Variants in VRTN observed in about 807,000 individuals in gnomAD.
VRTN encodes vertebrae development associated, also known as vertnin.
A neutral mutation model predicts 18.2 loss-of-function variants in VRTN; 5 were observed. The ratio of observed to expected loss-of-function variants is 0.27; its 90% CI spans 0.14 to 0.58. The LOEUF (loss-of-function observed/expected upper bound fraction) is 0.58, where lower values mean the gene tolerates loss of function less well. Ranked by LOEUF, VRTN falls within the 20% of genes least tolerant of loss-of-function variation. The pLI, the probability that VRTN is intolerant of heterozygous loss-of-function variation, is 0.91. For synonymous variants in VRTN, 381 were observed against 393.7 expected, an observed-to-expected ratio of 0.97 and a Z score of 0.38; for missense variants, 741 against 939.4, an observed-to-expected ratio of 0.79 and a Z score of 2.76.
At chr14:74,310,985 C>T (rs2085385042) in intron 1 of VRTN, among the ~76,000 whole-genome samples, 1 of 152,162 alleles carries the variant, frequency 6.6e-6, no homozygotes, top group Non-Finnish European at 1.5e-5. Flanking sequence ...GCCACTGCAC[C>T]TAGCCTCAGT....
At chr14:74,353,664 G>A (rs1215647437) in intron 1 of VRTN, among the ~76,000 whole-genome samples, 2 of 151,978 alleles carry the variant, frequency 1.3e-5, no homozygotes, top group Non-Finnish European at 2.9e-5. Flanking sequence ...ATTTTAAAAA[G>A]CCTGTTATAC....
upstream of VRTN, among the ~76,000 whole-genome samples, chr14:74,347,832 C>T (rs1323667150): frequency 6.6e-6 from 1 of 152,200 alleles, no homozygotes; most frequent in Non-Finnish European, 1.5e-5. Flanking sequence ...CCCCCTGGCT[C>T]CTAACAGATG....
At chr14:74,341,270 G>C (rs140089195) in intron 2 of VRTN, among the ~76,000 whole-genome samples, 11 of 152,244 alleles carry the variant, frequency 7.2e-5, no homozygotes, top group South Asian at 2.1e-4. Context: ...TTTTCTAAGA[G>C]AGCAATTAGA....
upstream of VRTN, among the ~76,000 whole-genome samples, chr14:74,347,841 T>C (rs976326003): frequency 2.0e-5 from 3 of 152,206 alleles, no homozygotes; most frequent in African/African-American, 7.2e-5. Flanking sequence ...TCCTAACAGA[T>C]GCAGCTCTGG....
intron 1 of VRTN, among the ~76,000 whole-genome samples, chr14:74,319,171 T>C (rs932414897): frequency 2.0e-5 from 3 of 152,082 alleles, no homozygotes; most frequent in African/African-American, 7.2e-5. Flanking sequence ...TAGCTGGGAT[T>C]ACAGGCATGT....
At chr14:74,323,068 G>A (rs2085466251) in intron 1 of VRTN, among the ~76,000 whole-genome samples, 1 of 152,038 alleles carries the variant, frequency 6.6e-6, no homozygotes, top group Admixed American at 6.6e-5. Context: ...AGGAGGTGGA[G>A]GTTGAAGTGA....
chr14:74,345,346 AT>A (rs34124259), upstream of VRTN, among the ~76,000 whole-genome samples: 4,733 of 94,646 alleles, frequency 0.05, 198 homozygotes, highest in African/African-American at 0.19. Flanking sequence ...CACCCTGCCT[AT>A]TTTTTTTTTT....
At chr14:74,324,684 T>C (rs1401262651) in intron 1 of VRTN, among the ~76,000 whole-genome samples, 3 of 151,886 alleles carry the variant, frequency 2.0e-5, no homozygotes, top group African/African-American at 7.3e-5. Flanking sequence ...GCCCGGTAGT[T>C]TGAGGCCAGC....
At chr14:74,323,698 G>T (rs888234024) in intron 1 of VRTN, among the ~76,000 whole-genome samples, 1 of 152,028 alleles carries the variant, frequency 6.6e-6, no homozygotes, top group Non-Finnish European at 1.5e-5. Context: ...TTAGTACAGG[G>T]GTTTCTTTCC....
chr14:74,336,013 T>C (rs2140204163), intron 1 of VRTN, among the ~76,000 whole-genome samples: 1 of 151,972 alleles, frequency 6.6e-6, no homozygotes, highest in Non-Finnish European at 1.5e-5. Context: ...AGTGCTGGTA[T>C]TACAGGTGTG....
At chr14:74,315,424 G>T (rs1052315787) in intron 1 of VRTN, among the ~76,000 whole-genome samples, 3 of 152,146 alleles carry the variant, frequency 2.0e-5, no homozygotes, top group African/African-American at 2.4e-5. Flanking sequence ...ACCAGGCCGG[G>T]TGTGGTGGCC....
At chr14:74,314,952 C>T (rs2085410694) in intron 1 of VRTN, among the ~76,000 whole-genome samples, 1 of 152,150 alleles carries the variant, frequency 6.6e-6, no homozygotes, top group African/African-American at 2.4e-5. Context: ...TGGCCAGCTC[C>T]TACACAGAAG....
chr14:74,331,544 TTA>T (rs1169929236), intron 1 of VRTN, among the ~76,000 whole-genome samples: 852 of 43,312 alleles, frequency 0.02, 8 homozygotes, highest in South Asian at 0.031. Flanking sequence ...AAAAAAAATT[TTA>T]TATATATATA....
intron 1 of VRTN, among the ~76,000 whole-genome samples, chr14:74,313,513 G>C (rs539262978): frequency 1.3e-5 from 2 of 152,306 alleles, no homozygotes; most frequent in South Asian, 4.1e-4. Flanking sequence ...TGGTTCAAAG[G>C]ACGGTGACAT....
At chr14:74,341,079 A>C (rs1337981422) in intron 2 of VRTN, among the ~76,000 whole-genome samples, 1 of 152,208 alleles carries the variant, frequency 6.6e-6, no homozygotes, top group Admixed American at 6.5e-5. Flanking sequence ...TGAGTGAATG[A>C]ATTAATTGAT....
intron 1 of VRTN, chr14:74,303,247 A>G (rs1378090952): frequency 1.4e-5 from 4 of 278,660 alleles, no homozygotes; most frequent in African/African-American, 8.7e-5. Context: ...ATGATCTTTA[A>G]AAAAGTATAA....
intron 1 of VRTN, among the ~76,000 whole-genome samples, chr14:74,333,387 A>G (rs898797235): frequency 6.6e-6 from 1 of 151,876 alleles, no homozygotes; most frequent in Admixed American, 6.6e-5. Context: ...CATCTCAAAA[A>G]AAAGAGGTGG....
intron 1 of VRTN, among the ~76,000 whole-genome samples, chr14:74,354,664 A>G (rs2085711951): frequency 6.6e-6 from 1 of 151,802 alleles, no homozygotes; most frequent in Non-Finnish European, 1.5e-5. Flanking sequence ...CGGCCTCCCA[A>G]AGTGCTGGGA....
intron 1 of VRTN, among the ~76,000 whole-genome samples, chr14:74,329,927 C>CAAT: frequency 6.8e-6 from 1 of 147,946 alleles, no homozygotes; most frequent in East Asian, 2.0e-4. Flanking sequence ...GGCTGGAGTG[C>CAAT]GGTGGCACTA....
Sources: allele counts gnomAD v4.1 joint callset (sites outside exome capture counted in the v4.1 genomes callset), GRCh38; gene constraint gnomAD v4.1.1; transcripts MANE v1.5; gene names NCBI Gene and HGNC (gene_info 2026-07-23, HGNC 2026-07-21).